The following KATNBL1 variants were observed in gnomAD, a reference collection of about 807,000 sequenced individuals.
KATNBL1 encodes KATNB1-like protein 1.
A neutral mutation model predicts 44.7 loss-of-function variants in KATNBL1; 28 were observed. That is an observed-to-expected ratio of 0.63 (90% confidence interval 0.46 to 0.86). The LOEUF (loss-of-function observed/expected upper bound fraction) is 0.86. Among genes scored for constraint, KATNBL1 ranks in the 40% least tolerant of loss-of-function variants. The probability of loss-of-function intolerance (pLI) is 0.00; values close to 1 mark genes in which losing one functional copy is unlikely to be tolerated. For synonymous variants in KATNBL1, 78 were observed against 114.9 expected, an observed-to-expected ratio of 0.68 and a Z score of 2.06; for missense variants, 272 against 350.7, an observed-to-expected ratio of 0.78 and a Z score of 1.79.
At chr15:34,153,537 G>A (rs994733465) in intron 3 of KATNBL1, among the ~76,000 whole-genome samples, 1 of 152,066 alleles carries the variant, frequency 6.6e-6, no homozygotes, top group African/African-American at 2.4e-5. Flanking sequence ...TTAGTGTCAC[G>A]ATGCTTTGCT....
chr15:34,147,302 C>T lies in KATNBL1; in HGVS notation c.609-13G>A, dbSNP rs772347327. 2.5e-6 allele frequency: 4 copies of T among 1,600,708 alleles called. No homozygotes were observed. The highest frequency in any genetic ancestry group is 3.4e-6 in the Non-Finnish European group (4 of 1,168,394). ...TTCTTCCTGTAAACTAAAATAAATA[C>T]CAAGTTATAAAAATATGGATGGGCC... On this transcript the variant is annotated splice_polypyrimidine_tract_variant and intron_variant, in intron 6 of 9. Coordinates refer to ENST00000256544, the MANE Select transcript of KATNBL1 (RefSeq NM_024713.3).
At chr15:34,178,420 T>G (rs753238046) in intron 1 of KATNBL1, among the ~76,000 whole-genome samples, 1 of 152,048 alleles carries the variant, frequency 6.6e-6, no homozygotes, top group Non-Finnish European at 1.5e-5. Flanking sequence ...GCAGCTACCA[T>G]GTAAAAAATG....
At chr15:34,181,826 A>G (rs1350911223) in intron 1 of KATNBL1, among the ~76,000 whole-genome samples, 2 of 119,622 alleles carry the variant, frequency 1.7e-5, no homozygotes, top group East Asian at 4.6e-4. Context: ...ATGTCCATAT[A>G]TATCCATATA....
At chr15:34,186,581 G>A (rs528899695) in intron 1 of KATNBL1, among the ~76,000 whole-genome samples, 1 of 152,296 alleles carries the variant, frequency 6.6e-6, no homozygotes, top group South Asian at 2.1e-4. Flanking sequence ...TGGTGGGGTG[G>A]GAGCTCCCCT....
chr15:34,178,478 C>T (rs1057010402), intron 1 of KATNBL1, among the ~76,000 whole-genome samples: 1 of 152,078 alleles, frequency 6.6e-6, no homozygotes, highest in Non-Finnish European at 1.5e-5. Flanking sequence ...TTTCAATGGG[C>T]CGGGCGTGGT....
intron 1 of KATNBL1, among the ~76,000 whole-genome samples, chr15:34,173,553 CA>C (rs942544531): frequency 1.3e-5 from 2 of 150,844 alleles, no homozygotes; most frequent in African/African-American, 2.4e-5. Flanking sequence ...AAGGATAAAC[CA>C]AAAAAAAGAA....
intron 1 of KATNBL1, among the ~76,000 whole-genome samples, chr15:34,187,683 T>A (rs1198618976): frequency 6.6e-6 from 1 of 152,300 alleles, no homozygotes; most frequent in East Asian, 1.9e-4. Flanking sequence ...AACATCATTG[T>A]CCACATAGCC....
chr15:34,145,357 TA>T (rs1316443986), intron 9 of KATNBL1, 40 bp downstream of exon 9: 2 of 1,344,974 alleles, frequency 1.5e-6, no homozygotes, highest in Non-Finnish European at 1.9e-6. Context: ...ATATTATTTC[TA>T]ATTTTTAATG....
intron 1 of KATNBL1, among the ~76,000 whole-genome samples, chr15:34,172,796 C>CAT (rs1555528612): frequency 2.1e-5 from 3 of 145,158 alleles, no homozygotes; most frequent in Non-Finnish European, 1.5e-5. Flanking sequence ...CACACACACA[C>CAT]GCTTCTCTCT....
At chr15:34,145,698 A>T (rs1888287345) in intron 8 of KATNBL1, 2 of 310,478 alleles carry the variant, frequency 6.4e-6, no homozygotes, top group African/African-American at 4.4e-5. Flanking sequence ...GTCAGTCATG[A>T]AAATTAAAGG....
intron 1 of KATNBL1, among the ~76,000 whole-genome samples, chr15:34,189,638 TGATA>T (rs1252279404): frequency 6.6e-6 from 1 of 152,216 alleles, no homozygotes; most frequent in Non-Finnish European, 1.5e-5. Context: ...GTTTACTCTT[TGATA>T]GAGAGGAGAC....
intron 1 of KATNBL1, among the ~76,000 whole-genome samples, chr15:34,202,961 A>G (rs946134397): frequency 5.9e-5 from 9 of 152,306 alleles, no homozygotes; most frequent in Non-Finnish European, 8.8e-5. Flanking sequence ...ATTGCACTCC[A>G]GCCTGGGCGA....
intron 1 of KATNBL1, among the ~76,000 whole-genome samples, chr15:34,187,650 G>A (rs1889753318): frequency 6.6e-6 from 1 of 152,162 alleles, no homozygotes; most frequent in Admixed American, 6.5e-5. Context: ...TACTTGGCCT[G>A]ATTACCCATA....
intron 9 of KATNBL1, among the ~76,000 whole-genome samples, chr15:34,143,793 C>CAAA (rs560420668): frequency 6.2e-5 from 4 of 64,156 alleles, no homozygotes; most frequent in Non-Finnish European, 8.8e-5. Context: ...ACTAAAAATA[C>CAAA]AAAAAAAAAA....
intron 5 of KATNBL1, 56 bp from the exon 6 acceptor site, chr15:34,147,486 T>C: frequency 1.5e-6 from 2 of 1,364,900 alleles, no homozygotes; most frequent in South Asian, 1.2e-5. Context: ...TTATTTACTT[T>C]CATATTATGA....
At chr15:34,203,282 C>T (rs1486772366) in intron 1 of KATNBL1, among the ~76,000 whole-genome samples, 1 of 152,102 alleles carries the variant, frequency 6.6e-6, no homozygotes, top group Admixed American at 6.5e-5. Flanking sequence ...AATTTGTTGA[C>T]TTTGCCTTTA....
chr15:34,178,710 C>T (rs892011857), intron 1 of KATNBL1, among the ~76,000 whole-genome samples: 4 of 139,846 alleles, frequency 2.9e-5, no homozygotes, highest in Admixed American at 1.5e-4. Context: ...GAGCTGAGAT[C>T]GTGCCACTGC....
At chr15:34,195,705 C>T (rs141015612) in intron 1 of KATNBL1, among the ~76,000 whole-genome samples, 1 of 139,662 alleles carries the variant, frequency 7.2e-6, no homozygotes, top group African/African-American at 3.0e-5. Context: ...AAAAAAAAAA[C>T]CCAAAAAACA....
chr15:34,197,680 G>A (rs936083594), intron 1 of KATNBL1, among the ~76,000 whole-genome samples: 2 of 152,148 alleles, frequency 1.3e-5, no homozygotes, highest in South Asian at 2.1e-4. Context: ...AGATTGAATC[G>A]TTGTCTTTGG....
Sources: gnomAD v4.1 joint callset for allele counts (sites outside exome capture counted in the v4.1 genomes callset) on GRCh38, gnomAD v4.1.1 for gene constraint, MANE v1.5 for transcripts, NCBI Gene and HGNC (gene_info 2026-07-23, HGNC 2026-07-21) for gene names.